The following KLHL32 variants were observed in gnomAD, a reference collection of about 807,000 sequenced individuals.
KLHL32 encodes the protein kelch like family member 32.
A neutral mutation model predicts 64.8 loss-of-function variants in KLHL32; 35 were observed. The observed-to-expected ratio is 0.54, with a 90% confidence interval of 0.41 to 0.72. The LOEUF (loss-of-function observed/expected upper bound fraction) is 0.72, where lower values mean the gene tolerates loss of function less well. Among genes scored for constraint, KLHL32 ranks in the 30% least tolerant of loss-of-function variants. The probability of loss-of-function intolerance (pLI) is 0.00; values close to 1 mark genes in which losing one functional copy is unlikely to be tolerated. For synonymous variants in KLHL32, 259 were observed against 281.0 expected (o/e 0.92, Z 0.78); for missense variants, 589 against 768.5 (o/e 0.77, Z 2.76).
chr6:96,923,323 G>A (rs1039098840), upstream of KLHL32, among the ~76,000 whole-genome samples: 4 of 152,200 alleles, frequency 2.6e-5, no homozygotes, highest in East Asian at 1.9e-4. Flanking sequence ...GTTCAAAGAC[G>A]CTTTCATATT....
intron 4 of KLHL32, among the ~76,000 whole-genome samples, chr6:97,054,042 G>T (rs915086580): frequency 2.6e-5 from 4 of 151,964 alleles, no homozygotes. Flanking sequence ...TTCAGTATTT[G>T]TATGAAGCAG....
At chr6:97,013,254 A>G (rs1340011074) in intron 3 of KLHL32, among the ~76,000 whole-genome samples, 1 of 152,254 alleles carries the variant, frequency 6.6e-6, no homozygotes, top group Non-Finnish European at 1.5e-5. Context: ...GCAGTTTGGT[A>G]TCAGAAAAGT....
chr6:97,131,834 C>T (rs2128222195), intron 9 of KLHL32, among the ~76,000 whole-genome samples: 2 of 152,250 alleles, frequency 1.3e-5, no homozygotes, highest in East Asian at 3.9e-4. Flanking sequence ...GCCCACTGGA[C>T]AAGGACTTAG....
intron 6 of KLHL32, among the ~76,000 whole-genome samples, chr6:97,111,031 G>GA (rs1011709625): frequency 7.0e-6 from 1 of 142,434 alleles, no homozygotes; most frequent in Admixed American, 7.0e-5. Context: ...GAAAAGTCTT[G>GA]GGGGGGGGGG....
At chr6:97,064,768 T>C in intron 5 of KLHL32, 42 bp downstream of exon 5, 1 of 1,493,608 alleles carries the variant, frequency 6.7e-7, no homozygotes, top group Non-Finnish European at 9.3e-7. Flanking sequence ...TTCACATTCC[T>C]TTCCCCACAG....
chr6:96,932,563 T>A (rs1205018549), intron 1 of KLHL32, among the ~76,000 whole-genome samples: 2 of 111,134 alleles, frequency 1.8e-5, no homozygotes, highest in East Asian at 4.4e-4. Context: ...AGTTGTCAAT[T>A]TCCCCCCCCC....
chr6:97,090,005 T>C (rs1264907554), intron 6 of KLHL32, among the ~76,000 whole-genome samples: 3 of 152,138 alleles, frequency 2.0e-5, no homozygotes, highest in Non-Finnish European at 2.9e-5. Context: ...ACCCAAGTTA[T>C]GTCCTATTTT....
chr6:97,120,792 C>T (rs1335532166), intron 7 of KLHL32, among the ~76,000 whole-genome samples: 1 of 152,150 alleles, frequency 6.6e-6, no homozygotes, highest in Non-Finnish European at 1.5e-5. Context: ...CTTAAAAGTT[C>T]CTAGTGAATT....
intron 3 of KLHL32, among the ~76,000 whole-genome samples, chr6:96,982,242 C>T (rs778569660): frequency 2.0e-5 from 3 of 152,058 alleles, no homozygotes; most frequent in Non-Finnish European, 4.4e-5. Flanking sequence ...TCCTGTGTTG[C>T]GTGAATATAT....
intron 3 of KLHL32, among the ~76,000 whole-genome samples, chr6:97,016,872 T>C (rs750271387): frequency 2.0e-5 from 3 of 152,186 alleles, no homozygotes; most frequent in African/African-American, 4.8e-5. Flanking sequence ...TCACAAGAAC[T>C]GATGGTTTTA....
upstream of KLHL32, among the ~76,000 whole-genome samples, chr6:96,922,172 G>T (rs1046471076): frequency 2.0e-5 from 3 of 152,104 alleles, no homozygotes; most frequent in African/African-American, 7.2e-5. Context: ...GTGGGGCTAT[G>T]AGCAGGGGTC....
At chr6:96,926,230 A>G (rs1769143199) in intron 1 of KLHL32, among the ~76,000 whole-genome samples, 1 of 152,182 alleles carries the variant, frequency 6.6e-6, no homozygotes, top group Middle Eastern at 3.2e-3. Flanking sequence ...CATCTTTTCT[A>G]CTTCTTGTTA....
Position 97,092,280 on chromosome 6 carries a change from T to C in KLHL32, c.627+6939T>C, listed in dbSNP as rs10080243. ...CTGGGATTACAGGCGTGAGCCACCG[T>C]GCCCGGCCAATTCTCTTTCATACAT... is the stretch of plus-strand genomic sequence containing the variant. On this transcript the variant is annotated intron_variant, in intron 6 of 10. Transcript: ENST00000369261. 3.9e-3 allele frequency among the ~76,000 whole-genome samples: 600 copies of C among 152,318 alleles called. 4 individuals carry two copies. The highest frequency in any genetic ancestry group is 0.014 in the African/African-American group (564 of 41,574).
In KLHL32 at chr6:96,976,142, A is replaced by G. The variant is rs757130792; in HGVS notation, c.169A>G (p.Lys57Glu). ...IAEEQKFHAH[K>E]AVLAACSDYF... ...TGAGGAACAGAAATTCCATGCTCAC[A>G]AGGCAGTCCTAGCAGCATGCAGTGA... is the stretch of plus-strand genomic sequence containing the variant. The change falls in exon 3 of 11, where the codon AAG becomes GAG. Residue 57 changes from lysine to glutamate, a missense_variant. Coordinates refer to ENST00000369261, the MANE Select transcript of KLHL32 (RefSeq NM_052904.4). The G allele has an allele frequency of 2.5e-6, 4 of 1,603,226 alleles. No homozygotes were observed. The Admixed American group carries it at 6.7e-5, about 27-fold the overall frequency.
intron 6 of KLHL32, among the ~76,000 whole-genome samples, chr6:97,104,219 T>C (rs1407988362): frequency 6.6e-6 from 1 of 152,218 alleles, no homozygotes; most frequent in Non-Finnish European, 1.5e-5. Context: ...ACAACTCAGG[T>C]CACTTTTCAT....
chr6:97,030,041 T>A (rs1783309353), intron 3 of KLHL32, among the ~76,000 whole-genome samples: 2 of 152,208 alleles, frequency 1.3e-5, no homozygotes, highest in Admixed American at 1.3e-4. Flanking sequence ...GCTTATAAAA[T>A]GTAAGGGTTG....
chr6:97,009,164 A>G (rs562884438), intron 3 of KLHL32, among the ~76,000 whole-genome samples: 2 of 151,454 alleles, frequency 1.3e-5, no homozygotes, highest in East Asian at 3.9e-4. Context: ...GAAACATACT[A>G]GATGTTAAAC....
rs149078142 is a variant in KLHL32 at position 96,959,110 on chromosome 6, G to A, written c.-65-7886G>A. 5.8e-3 allele frequency among the ~76,000 whole-genome samples: 881 copies of A among 152,296 alleles called. 5 individuals are homozygous for A. Among genetic ancestry groups the A allele is most frequent in the Non-Finnish European group, 9.6e-3 (650 of 68,016 alleles). ...GTTTAGCACCTAGAGAAAGATGAGC[G>A]CTGATTGGAAAATTGAAAGCTGGGG... On this transcript the variant is annotated intron_variant, in intron 1 of 10. Coordinates refer to ENST00000369261, the MANE Select transcript of KLHL32 (RefSeq NM_052904.4).
intron 3 of KLHL32, among the ~76,000 whole-genome samples, chr6:96,977,367 T>G (rs763182483): frequency 6.6e-6 from 1 of 152,220 alleles, no homozygotes; most frequent in Non-Finnish European, 1.5e-5. Flanking sequence ...TGTGATAGTC[T>G]GCTTCATATA....
Sources: allele counts gnomAD v4.1 joint callset (sites outside exome capture counted in the v4.1 genomes callset), GRCh38; gene constraint gnomAD v4.1.1; transcripts MANE v1.5; gene names NCBI Gene and HGNC (gene_info 2026-07-23, HGNC 2026-07-21).